DOCK1: variants seen among roughly 807,000 people sequenced by gnomAD.
The protein encoded by DOCK1 is dedicator of cytokinesis protein 1.
DOCK1 carries 138 observed loss-of-function variants against 262.7 expected under a neutral mutation model. The ratio of observed to expected loss-of-function variants is 0.53; its 90% CI spans 0.46 to 0.61. The LOEUF (loss-of-function observed/expected upper bound fraction) is 0.61, where lower values mean the gene tolerates loss of function less well. Ranked by LOEUF, DOCK1 falls within the 20% of genes least tolerant of loss-of-function variation. The pLI, the probability that DOCK1 is intolerant of heterozygous loss-of-function variation, is 0.00. For missense variants in DOCK1, 1,908 were observed against 2,370.7 expected (o/e 0.80, Z 4.05); for synonymous variants, 866 against 867.4 (o/e 1.00, Z 0.03).
At chr10:127,219,811 C>T (rs1214843855) in intron 27 of DOCK1, among the ~76,000 whole-genome samples, 2 of 152,140 alleles carry the variant, frequency 1.3e-5, no homozygotes, top group Admixed American at 1.3e-4. Flanking sequence ...CTATCCTACA[C>T]TCTATCCCAT....
intron 26 of DOCK1, among the ~76,000 whole-genome samples, chr10:127,126,510 C>T (rs2049971821): frequency 6.6e-6 from 1 of 152,094 alleles, no homozygotes; most frequent in Non-Finnish European, 1.5e-5. Context: ...GCAGGAGGAT[C>T]GCTTGAGCCC....
intron 10 of DOCK1, among the ~76,000 whole-genome samples, chr10:127,006,159 G>A (rs531112010): frequency 6.6e-6 from 1 of 152,164 alleles, no homozygotes; most frequent in Admixed American, 6.5e-5. Flanking sequence ...CTGACTCGCA[G>A]GGTGTGGGGG....
chr10:126,925,459 C>T (rs892632578), intron 1 of DOCK1, among the ~76,000 whole-genome samples: 6 of 152,206 alleles, frequency 3.9e-5, no homozygotes, highest in African/African-American at 1.4e-4. Context: ...TCTCAGCTCA[C>T]TGCAAACTCT....
intron 41 of DOCK1, 65 bp downstream of exon 41, chr10:127,409,243 G>A: frequency 6.2e-7 from 1 of 1,612,186 alleles, no homozygotes; most frequent in Non-Finnish European, 8.5e-7. Flanking sequence ...GGGTGGTTGG[G>A]TGTGGTGGGG....
intron 24 of DOCK1, among the ~76,000 whole-genome samples, chr10:127,107,955 C>T (rs2048635928): frequency 6.6e-6 from 1 of 152,166 alleles, no homozygotes; most frequent in Non-Finnish European, 1.5e-5. Context: ...ACAAATTAGC[C>T]CCTCACCGAT....
At chr10:127,307,272 C>CCACAGT (rs1206845237) in intron 29 of DOCK1, among the ~76,000 whole-genome samples, 2 of 152,228 alleles carry the variant, frequency 1.3e-5, no homozygotes, top group Non-Finnish European at 2.9e-5. Context: ...TGTCCCCGGC[C>CCACAGT]TGGGCTGGCC....
At chr10:127,075,572 G>A (rs1188635531) in intron 23 of DOCK1, among the ~76,000 whole-genome samples, 2 of 152,156 alleles carry the variant, frequency 1.3e-5, no homozygotes, top group Non-Finnish European at 2.9e-5. Flanking sequence ...CAGGTTTAAC[G>A]GAAGCATGAT....
intron 27 of DOCK1, among the ~76,000 whole-genome samples, chr10:127,129,719 A>G (rs1193136352): frequency 6.6e-6 from 1 of 152,184 alleles, no homozygotes; most frequent in Non-Finnish European, 1.5e-5. Context: ...AGCAAAGAGC[A>G]TGTGGCTTGA....
intron 16 of DOCK1, among the ~76,000 whole-genome samples, chr10:127,028,986 C>T (rs1461268296): frequency 2.6e-5 from 4 of 152,198 alleles, no homozygotes; most frequent in Non-Finnish European, 4.4e-5. Flanking sequence ...CTCAAAATTA[C>T]GCTCCCGTCT....
At chr10:127,424,306 T>C (rs139985689) in intron 46 of DOCK1, among the ~76,000 whole-genome samples, 193 of 152,296 alleles carry the variant, frequency 1.3e-3, no homozygotes, top group African/African-American at 4.1e-3. Context: ...AGCACAAGCG[T>C]CCTAAACCAA....
intron 24 of DOCK1, among the ~76,000 whole-genome samples, chr10:127,107,052 G>A (rs528472997): frequency 2.0e-5 from 3 of 152,174 alleles, no homozygotes; most frequent in African/African-American, 7.2e-5. Flanking sequence ...CAAACTCCTG[G>A]CCTCAAGCAC....
chr10:126,958,306 T>C (rs2036911736), intron 1 of DOCK1, among the ~76,000 whole-genome samples: 1 of 152,186 alleles, frequency 6.6e-6, no homozygotes, highest in South Asian at 2.1e-4. Context: ...TTAGAGATAT[T>C]GGATGTCATG....
At chr10:127,030,010 T>G (rs1287918172) in intron 16 of DOCK1, among the ~76,000 whole-genome samples, 2 of 152,208 alleles carry the variant, frequency 1.3e-5, no homozygotes, top group Non-Finnish European at 2.9e-5. Context: ...ATTTTACTTC[T>G]GTTTCTTCCT....
intron 31 of DOCK1, among the ~76,000 whole-genome samples, chr10:127,345,532 C>T (rs1220246956): frequency 6.6e-6 from 1 of 152,226 alleles, no homozygotes; most frequent in Non-Finnish European, 1.5e-5. Flanking sequence ...TTCCTTCAGG[C>T]CTCCTCAGCT....
chr10:126,941,571 ACG>A (rs1236711242), intron 1 of DOCK1, among the ~76,000 whole-genome samples: 4 of 152,256 alleles, frequency 2.6e-5, no homozygotes, highest in Admixed American at 2.0e-4. Context: ...CCTGGCTAAC[ACG>A]GTGAAACCCT....
chr10:127,283,609 A>G (rs573065175), intron 29 of DOCK1, among the ~76,000 whole-genome samples: 2 of 152,320 alleles, frequency 1.3e-5, no homozygotes, highest in South Asian at 4.1e-4. Context: ...TTACATGCAT[A>G]CTTTATTCTT....
intron 48 of DOCK1, among the ~76,000 whole-genome samples, chr10:127,435,397 C>T (rs750905374): frequency 6.6e-5 from 10 of 152,156 alleles, no homozygotes; most frequent in African/African-American, 1.4e-4. Flanking sequence ...TTGTTGCCAA[C>T]GACTGATGTG....
At chr10:127,223,669 T>C (rs1243704847) in intron 27 of DOCK1, among the ~76,000 whole-genome samples, 1 of 152,240 alleles carries the variant, frequency 6.6e-6, no homozygotes, top group African/African-American at 2.4e-5. Flanking sequence ...TTTATTCTTA[T>C]TCACCAAGAA....
intron 1 of DOCK1, among the ~76,000 whole-genome samples, chr10:126,958,723 ATCT>A (rs1421198793): frequency 6.6e-6 from 1 of 152,142 alleles, no homozygotes; most frequent in Non-Finnish European, 1.5e-5. Flanking sequence ...CCTATGAGGA[ATCT>A]TCTTCATTCT....
Sources: allele counts gnomAD v4.1 joint callset (sites outside exome capture counted in the v4.1 genomes callset), GRCh38; gene constraint gnomAD v4.1.1; transcripts MANE v1.5; gene names NCBI Gene and HGNC (gene_info 2026-07-23, HGNC 2026-07-21).